The following SMG6 variants were observed in gnomAD, a reference collection of about 807,000 sequenced individuals.
SMG6 encodes the protein SMG6 nonsense mediated mRNA decay factor.
A neutral mutation model predicts 142.2 loss-of-function variants in SMG6; 66 were observed. The observed-to-expected ratio is 0.46, with a 90% CI of 0.38 to 0.57. The LOEUF (loss-of-function observed/expected upper bound fraction) is 0.57. Ranked by LOEUF, SMG6 falls within the 20% of genes least tolerant of loss-of-function variation. SMG6 has a pLI of 0.00. For missense variants in SMG6, 1,793 were observed against 1,832.0 expected (o/e 0.98, Z 0.39); for synonymous variants, 779 against 702.4 (o/e 1.11, Z -1.72).
At chr17:2,302,897 CA>C (rs1041404520) in intron 1 of SMG6, 1 of 926,848 alleles carries the variant, frequency 1.1e-6, no homozygotes, top group Admixed American at 6.2e-5. Context: ...TGTTAATCAA[CA>C]AAAACCAATT....
At chr17:2,174,291 T>G (rs1456386238) in intron 12 of SMG6, among the ~76,000 whole-genome samples, 1 of 152,140 alleles carries the variant, frequency 6.6e-6, no homozygotes, top group Non-Finnish European at 1.5e-5. Flanking sequence ...TGCCTATGAG[T>G]CCTACTAGGG....
At chr17:2,083,056 T>C (rs187301636) in intron 14 of SMG6, among the ~76,000 whole-genome samples, 1 of 152,306 alleles carries the variant, frequency 6.6e-6, no homozygotes, top group Non-Finnish European at 1.5e-5. Context: ...ACATGGCTAG[T>C]AAAGGCAGAA....
At chr17:2,100,241 T>G (rs562775455) in intron 13 of SMG6, among the ~76,000 whole-genome samples, 1 of 152,224 alleles carries the variant, frequency 6.6e-6, no homozygotes, top group African/African-American at 2.4e-5. Flanking sequence ...TTTTGCCATG[T>G]TGGCCAGGCT....
At chr17:2,176,737 A>C (rs1597528662) in intron 12 of SMG6, among the ~76,000 whole-genome samples, 2 of 152,074 alleles carry the variant, frequency 1.3e-5, no homozygotes, top group African/African-American at 2.4e-5. Context: ...AGAACACACC[A>C]CACACCAGGA....
intron 10 of SMG6, among the ~76,000 whole-genome samples, chr17:2,211,934 C>T (rs1228141941): frequency 6.6e-6 from 1 of 152,120 alleles, no homozygotes; most frequent in Non-Finnish European, 1.5e-5. Context: ...TCACAGACTC[C>T]CCAAGAGCCA....
At chr17:2,088,115 CCTG>C (rs2068614861) in intron 13 of SMG6, 1 of 985,396 alleles carries the variant, frequency 1.0e-6, no homozygotes, top group Non-Finnish European at 1.2e-6. Context: ...CACTGGCACC[CCTG>C]CTAAGTGTGC....
At chr17:2,209,422 T>C (rs1423685083) in intron 10 of SMG6, among the ~76,000 whole-genome samples, 1 of 152,098 alleles carries the variant, frequency 6.6e-6, no homozygotes, top group Non-Finnish European at 1.5e-5. Flanking sequence ...CAGAGTGCAG[T>C]AGCACGATCT....
At chr17:2,302,720 T>C (rs1390010434) in intron 1 of SMG6, among the ~76,000 whole-genome samples, 1 of 151,744 alleles carries the variant, frequency 6.6e-6, no homozygotes, top group Non-Finnish European at 1.5e-5. Context: ...ACTATTTTCA[T>C]AAGTTTAAAA....
chr17:2,121,226 A>G (rs531693415), intron 13 of SMG6, among the ~76,000 whole-genome samples: 9 of 149,920 alleles, frequency 6.0e-5, no homozygotes, highest in Non-Finnish European at 1.3e-4. Flanking sequence ...AACTTTATTC[A>G]TAACAGCTAA....
chr17:2,242,173 A>G (rs1441074106), intron 9 of SMG6, among the ~76,000 whole-genome samples: 1 of 152,042 alleles, frequency 6.6e-6, no homozygotes, highest in Non-Finnish European at 1.5e-5. Flanking sequence ...GAGAGAAAAC[A>G]CTGAGTGAAA....
At chr17:2,138,800 C>A (rs189383506) in intron 13 of SMG6, among the ~76,000 whole-genome samples, 1 of 152,168 alleles carries the variant, frequency 6.6e-6, no homozygotes, top group African/African-American at 2.4e-5. Context: ...CTAGAAATTA[C>A]TGTATGTAGC....
At chr17:2,262,823 T>A (rs2074345700) in intron 8 of SMG6, among the ~76,000 whole-genome samples, 1 of 152,118 alleles carries the variant, frequency 6.6e-6, no homozygotes, top group East Asian at 1.9e-4. Context: ...TAACAATATA[T>A]AAAGGTGCTC....
intron 12 of SMG6, among the ~76,000 whole-genome samples, chr17:2,177,540 G>C (rs571424929): frequency 6.6e-6 from 1 of 152,310 alleles, no homozygotes; most frequent in South Asian, 2.1e-4. Flanking sequence ...CAAGTACAAT[G>C]ACCCCATGTT....
In SMG6 at chr17:2,247,929, T is replaced by TAAAC. The variant is rs374727108; in HGVS notation, c.2662-3214_2662-3211dup. Among the ~76,000 whole-genome samples, 350 of 151,668 alleles carry TAAAC rather than the reference T, an allele frequency of 2.3e-3. 12 individuals are homozygous for TAAAC. The South Asian group carries it at 0.051, about 22-fold the overall frequency. ...CAATATGGTGAAACCCAGTATCTGT[T>TAAAC]AAACAAACAAACAAACAAACAAACG... is the stretch of plus-strand genomic sequence containing the variant. On this transcript the variant is annotated intron_variant, in intron 8 of 18. Coordinates refer to ENST00000263073, the MANE Select transcript of SMG6 (RefSeq NM_017575.5).
Position 2,300,400 on chromosome 17 carries a change from T to C in SMG6, c.353A>G (p.Gln118Arg). 1 of 1,614,180 alleles carries C rather than the reference T, an allele frequency of 6.2e-7. No individual in the cohort carries two copies. Among genetic ancestry groups the C allele is most frequent in the South Asian group, 1.1e-5 (1 of 91,088 alleles). The change falls in exon 2 of 19, where the codon CAA becomes CGA. Residue 118 changes from glutamine (Q) to arginine (R), a missense_variant. Coordinates refer to ENST00000263073, the MANE Select transcript of SMG6 (RefSeq NM_017575.5). ...TCCAGCAGTCCTAGGAAAGGATTCT[T>C]GTCCCCGATTATTTTCTGGGTCTAT... The part of the protein sequence containing the change: ...GPIDPENNRG[Q>R]ESFPRTAGQE...
intron 13 of SMG6, among the ~76,000 whole-genome samples, chr17:2,103,638 G>A (rs952629483): frequency 1.3e-5 from 2 of 152,200 alleles, no homozygotes; most frequent in African/African-American, 2.4e-5. Flanking sequence ...GCTTGCTCCA[G>A]CAGGCAGTGG....
At chr17:2,188,546 C>T in intron 10 of SMG6, 31 bp from the exon 11 acceptor site, 1 of 1,593,622 alleles carries the variant, frequency 6.3e-7, no homozygotes, top group Non-Finnish European at 8.6e-7. Flanking sequence ...CTCTCAGCGC[C>T]CCAGGCGGAC....
intron 13 of SMG6, among the ~76,000 whole-genome samples, chr17:2,163,730 A>C (rs1250244230): frequency 4.6e-5 from 7 of 151,734 alleles, no homozygotes; most frequent in Non-Finnish European, 8.8e-5. Flanking sequence ...GACTAGGACC[A>C]ACACAGACTG....
At chr17:2,289,534 G>A (rs947713552) in intron 6 of SMG6, among the ~76,000 whole-genome samples, 4 of 152,156 alleles carry the variant, frequency 2.6e-5, no homozygotes, top group African/African-American at 9.7e-5. Context: ...TCCAGCCTAG[G>A]TGACAGAGTG....
Sources: gnomAD v4.1 joint callset for allele counts (sites outside exome capture counted in the v4.1 genomes callset) on GRCh38, gnomAD v4.1.1 for gene constraint, MANE v1.5 for transcripts, NCBI Gene and HGNC (gene_info 2026-07-23, HGNC 2026-07-21) for gene names.